CALN1: variants seen among roughly 807,000 people sequenced by gnomAD.
CALN1 encodes the protein calcium-binding protein 8.
In CALN1, 17 loss-of-function variants were observed where a neutral mutation model predicts 30.6. The ratio of observed to expected loss-of-function variants is 0.56; its 90% CI spans 0.38 to 0.83. The LOEUF is 0.83. Among genes scored for constraint, CALN1 ranks in the 40% least tolerant of loss-of-function variants. The pLI, the probability that CALN1 is intolerant of heterozygous loss-of-function variation, is 0.00. For synonymous variants in CALN1, 156 were observed against 131.4 expected, an observed-to-expected ratio of 1.19 and a Z score of -1.28; for missense variants, 291 against 354.9, an observed-to-expected ratio of 0.82 and a Z score of 1.45.
At chr7:71,909,760 A>G (rs1794329622) in intron 5 of CALN1, among the ~76,000 whole-genome samples, 1 of 152,156 alleles carries the variant, frequency 6.6e-6, no homozygotes, top group Non-Finnish European at 1.5e-5. Context: ...CACTGTCCAA[A>G]GGGGATGCAT....
At chr7:71,822,549 G>A (rs961226085) in intron 5 of CALN1, among the ~76,000 whole-genome samples, 3 of 152,116 alleles carry the variant, frequency 2.0e-5, no homozygotes, top group Non-Finnish European at 2.9e-5. Context: ...TGCCTGGCCC[G>A]CTTCTGGTTC....
intron 4 of CALN1, among the ~76,000 whole-genome samples, chr7:72,064,892 C>CT (rs1028984112): frequency 7.3e-5 from 11 of 151,076 alleles, no homozygotes; most frequent in South Asian, 2.1e-4. Flanking sequence ...CTAGGCTGAT[C>CT]TTTTTAAAAA....
At chr7:72,447,403 G>A (rs578053166), upstream of CALN1, among the ~76,000 whole-genome samples, 16 of 152,202 alleles carry the variant, frequency 1.1e-4, no homozygotes, top group African/African-American at 3.9e-4. Context: ...GGTTTGAATC[G>A]GAACCACAGG....
intron 5 of CALN1, among the ~76,000 whole-genome samples, chr7:71,987,726 A>T (rs1403963242): frequency 6.6e-6 from 1 of 152,212 alleles, no homozygotes; most frequent in African/African-American, 2.4e-5. Flanking sequence ...ACCTTGAAGG[A>T]TCATGCAGTT....
intron 2 of CALN1, among the ~76,000 whole-genome samples, chr7:72,383,972 T>C (rs1048677086): frequency 1.3e-5 from 2 of 152,214 alleles, no homozygotes; most frequent in Admixed American, 6.5e-5. Flanking sequence ...GGATTATAAA[T>C]CATTCTACTA....
At chr7:71,932,823 A>G (rs1584542210) in intron 5 of CALN1, among the ~76,000 whole-genome samples, 1 of 151,788 alleles carries the variant, frequency 6.6e-6, no homozygotes, top group African/African-American at 2.4e-5. Context: ...CTCAAAAAAA[A>G]AAAAAAAAAG....
At chr7:71,992,356 T>C (rs978308398) in intron 5 of CALN1, among the ~76,000 whole-genome samples, 1 of 152,170 alleles carries the variant, frequency 6.6e-6, no homozygotes, top group African/African-American at 2.4e-5. Context: ...TTCACATTTT[T>C]TTTTACTATT....
At chr7:72,201,621 A>G (rs1791426041) in intron 3 of CALN1, among the ~76,000 whole-genome samples, 1 of 151,850 alleles carries the variant, frequency 6.6e-6, no homozygotes, top group Non-Finnish European at 1.5e-5. Flanking sequence ...AAAAAGAAAA[A>G]CTATTTATTG....
intron 1 of CALN1, among the ~76,000 whole-genome samples, chr7:72,441,456 G>A (rs1808340474): frequency 6.6e-6 from 1 of 151,828 alleles, no homozygotes; most frequent in Non-Finnish European, 1.5e-5. Context: ...AAATTAGTCG[G>A]GCATGGTGAC....
upstream of CALN1, among the ~76,000 whole-genome samples, chr7:72,413,826 G>A (rs990415544): frequency 2.7e-5 from 4 of 150,392 alleles, no homozygotes; most frequent in Middle Eastern, 7.2e-3. Context: ...TCACATGCAT[G>A]GCACATACAC....
chr7:72,007,533 C>T (rs774112289), intron 5 of CALN1, among the ~76,000 whole-genome samples: 22 of 152,222 alleles, frequency 1.4e-4, no homozygotes, highest in East Asian at 1.2e-3. Context: ...GGCAAGAGAG[C>T]GAGACTCTGT....
chr7:72,380,663 G>C (rs1804834960), intron 2 of CALN1, among the ~76,000 whole-genome samples: 1 of 150,922 alleles, frequency 6.6e-6, no homozygotes, highest in Non-Finnish European at 1.5e-5. Context: ...TGCTCAGTGG[G>C]TTGGTGGATG....
At chr7:71,974,695 C>T (rs770445050) in intron 5 of CALN1, among the ~76,000 whole-genome samples, 3 of 152,094 alleles carry the variant, frequency 2.0e-5, no homozygotes, top group Non-Finnish European at 2.9e-5. Context: ...ACAAACCATC[C>T]GCAGAGATGT....
intron 3 of CALN1, among the ~76,000 whole-genome samples, chr7:72,179,435 T>G (rs1187671498): frequency 6.6e-6 from 1 of 152,200 alleles, no homozygotes; most frequent in African/African-American, 2.4e-5. Context: ...ACTAAACACT[T>G]ATGTCTGCAT....
chr7:72,046,602 C>T (rs1802482774), intron 4 of CALN1, among the ~76,000 whole-genome samples: 1 of 149,258 alleles, frequency 6.7e-6, no homozygotes, highest in Non-Finnish European at 1.5e-5. Context: ...CTCAGCTACT[C>T]AGGAGGCTGA....
At chr7:72,397,298 C>A (rs891911031) in intron 2 of CALN1, among the ~76,000 whole-genome samples, 1 of 152,144 alleles carries the variant, frequency 6.6e-6, no homozygotes, top group Non-Finnish European at 1.5e-5. Flanking sequence ...CAGAGAGAGG[C>A]AGGTTGCAGT....
At chr7:72,130,594 C>A (rs190147793) in intron 3 of CALN1, among the ~76,000 whole-genome samples, 71 of 152,118 alleles carry the variant, frequency 4.7e-4, no homozygotes, top group African/African-American at 1.7e-3. Context: ...TAGAGTATGT[C>A]TGGATAATAC....
At chr7:71,946,862 T>C (rs779676407) in intron 5 of CALN1, among the ~76,000 whole-genome samples, 2 of 152,080 alleles carry the variant, frequency 1.3e-5, no homozygotes, top group Non-Finnish European at 2.9e-5. Flanking sequence ...TTCAGTCACC[T>C]GAAACTTTAG....
At chr7:71,824,603 C>T (rs1223516321) in intron 5 of CALN1, among the ~76,000 whole-genome samples, 2 of 152,112 alleles carry the variant, frequency 1.3e-5, no homozygotes, top group Non-Finnish European at 2.9e-5. Context: ...AACATCTTTC[C>T]TGCCCAGATT....
Sources: allele counts gnomAD v4.1 joint callset (sites outside exome capture counted in the v4.1 genomes callset), GRCh38; gene constraint gnomAD v4.1.1; transcripts MANE v1.5; gene names NCBI Gene and HGNC (gene_info 2026-07-23, HGNC 2026-07-21).